CDKN3: variants seen among roughly 807,000 people sequenced by gnomAD.
The protein encoded by CDKN3 is cyclin dependent kinase inhibitor 3.
Under a neutral mutation model 36.1 loss-of-function variants are expected in CDKN3, and 19 were observed. The observed-to-expected ratio is 0.53, with a 90% CI of 0.37 to 0.77. The LOEUF is 0.77. Among genes scored for constraint, CDKN3 ranks in the 30% least tolerant of loss-of-function variants. The pLI is 0.00. For synonymous variants in CDKN3, 71 were observed against 85.3 expected (o/e 0.83, Z 0.92); for missense variants, 188 against 248.6 (o/e 0.76, Z 1.64).
chr14:54,416,281 A>G (rs2030545543), intron 6 of CDKN3, among the ~76,000 whole-genome samples: 3 of 152,190 alleles, frequency 2.0e-5, no homozygotes, highest in African/African-American at 7.2e-5. Flanking sequence ...GTTAATTACT[A>G]TATGTTAATT....
chr14:54,403,966 G>A (rs1246182327), intron 3 of CDKN3, among the ~76,000 whole-genome samples: 4 of 152,168 alleles, frequency 2.6e-5, no homozygotes, highest in East Asian at 3.9e-4. Context: ...TTTTCGCATC[G>A]ATGTTCATCA....
intron 5 of CDKN3, among the ~76,000 whole-genome samples, chr14:54,413,355 C>CTT (rs59686136): frequency 7.3e-4 from 103 of 141,656 alleles, no homozygotes; most frequent in African/African-American, 2.3e-3. Context: ...ATTTTGAGAT[C>CTT]TTTTTTTTTT....
In CDKN3 at chr14:54,399,593, G is replaced by A. The variant is rs146612293; in HGVS notation, c.10-301G>A. Among the ~76,000 whole-genome samples the A allele has an allele frequency of 4.2e-3, 640 of 152,268 alleles. 4 individuals are homozygous for A. Among genetic ancestry groups the A allele is most frequent in the African/African-American group, 0.015 (605 of 41,542 alleles). ...CCTCACTTTATAGTTGAGGAAAATC[G>A]AGATCCAGAACCAACTGAAGTGGCT... On this transcript the variant is annotated intron_variant, in intron 1 of 7. Coordinates refer to ENST00000335183, the MANE Select transcript of CDKN3 (RefSeq NM_005192.4).
chr14:54,397,028 C>A lies in CDKN3; in HGVS notation c.-41C>A. 1 of 1,469,510 alleles carries A rather than the reference C, an allele frequency of 6.8e-7. No homozygotes were observed. The highest frequency in any genetic ancestry group is 9.0e-7 in the Non-Finnish European group (1 of 1,107,288). 91.0% of individuals were successfully genotyped at this position (1,469,510 alleles called of 1,614,324 possible). A position where few individuals can be genotyped will look rare whatever the true frequency, so the allele number is the denominator to read the frequency against. ...GGGCACCGGTGAGTCGCCGGCGCTGCAGAGGGAGGCGGCACTGGTCTCGAC... is the reference window on the plus strand; with the variant it reads ...GGGCACCGGTGAGTCGCCGGCGCTGAAGAGGGAGGCGGCACTGGTCTCGAC... On this transcript the variant is annotated 5_prime_UTR_variant, in exon 1 of 8. Transcript: ENST00000335183.
intron 7 of CDKN3, among the ~76,000 whole-genome samples, chr14:54,419,112 C>G (rs2030645829): frequency 6.6e-6 from 1 of 150,562 alleles, no homozygotes. Context: ...GAACCGAGAT[C>G]ACACCACTGC....
chr14:54,398,336 T>C (rs758506152), intron 1 of CDKN3, among the ~76,000 whole-genome samples: 1 of 152,204 alleles, frequency 6.6e-6, no homozygotes, highest in Non-Finnish European at 1.5e-5. Context: ...CATTGAGTTA[T>C]CTGATCCCCG....
intron 7 of CDKN3, among the ~76,000 whole-genome samples, chr14:54,418,808 C>T (rs781088008): frequency 1.1e-4 from 16 of 152,158 alleles, no homozygotes; most frequent in Admixed American, 2.0e-4. Flanking sequence ...CGGGACAATC[C>T]ATACAAGATC....
At chr14:54,399,856 A>C (rs1276539400) in intron 1 of CDKN3, 38 bp from the exon 2 acceptor site, 3 of 1,082,080 alleles carry the variant, frequency 2.8e-6, no homozygotes, top group African/African-American at 1.5e-5. Context: ...CTACAAAAAA[A>C]TTCTTTACAG....
At chr14:54,402,334 G>A (rs925058389) in intron 3 of CDKN3, among the ~76,000 whole-genome samples, 4 of 150,218 alleles carry the variant, frequency 2.7e-5, no homozygotes, top group Non-Finnish European at 1.5e-5. Flanking sequence ...GTGTGTGTGT[G>A]TATGTATATC....
intron 7 of CDKN3, chr14:54,418,156 G>A (rs1164976206): frequency 1.1e-5 from 8 of 705,666 alleles, no homozygotes; most frequent in Admixed American, 1.0e-4. Context: ...GTCTAAAAAA[G>A]CACACAGGAT....
At chr14:54,400,998 G>C (rs374785538) in intron 2 of CDKN3, among the ~76,000 whole-genome samples, 10 of 152,296 alleles carry the variant, frequency 6.6e-5, no homozygotes, top group African/African-American at 2.4e-4. Context: ...TTGTCCAATA[G>C]TCATTTTCCA....
In CDKN3 at chr14:54,412,529, G is replaced by C. The variant is rs768663585; in HGVS notation, c.416+823G>C. Among the ~76,000 whole-genome samples the C allele has an allele frequency of 2.6e-5, 4 of 152,284 alleles. No individual in the cohort carries two copies. The East Asian group carries it at 7.7e-4, about 29-fold the overall frequency. ...AGATTGAAAGAGGGCCTCTCATTGT[G>C]TGTCAGTGGCTATAAAAACACAAGC... On this transcript the variant is annotated intron_variant, in intron 5 of 7. Transcript: ENST00000335183.
At chr14:54,419,837 A>T (rs1291571798) in intron 7 of CDKN3, among the ~76,000 whole-genome samples, 155 bp from the exon 8 acceptor site, 1 of 152,224 alleles carries the variant, frequency 6.6e-6, no homozygotes, top group Non-Finnish European at 1.5e-5. Context: ...ACTAAAAGAT[A>T]AAACTTCCCC....
At chr14:54,408,311 T>G (rs549753931) in intron 3 of CDKN3, among the ~76,000 whole-genome samples, 1 of 152,290 alleles carries the variant, frequency 6.6e-6, no homozygotes, top group South Asian at 2.1e-4. Flanking sequence ...AACACATCAT[T>G]CTCTATACTG....
At chr14:54,399,242 C>T (rs1337315857) in intron 1 of CDKN3, among the ~76,000 whole-genome samples, 9 of 152,138 alleles carry the variant, frequency 5.9e-5, no homozygotes, top group African/African-American at 2.2e-4. Context: ...AACTTCGCCT[C>T]CCAGAGTGCT....
rs1324060311 is a variant in CDKN3, at chr14:54,417,839, T to G, written c.449-9T>G. On this transcript the variant is annotated splice_polypyrimidine_tract_variant and intron_variant, in intron 6 of 7. Transcript: ENST00000335183. ...AATAACATATTATTTTTCTGTCATG[T>G]TCCATTAGTAGCTGCTTGTCTCCTA... 2 of 1,502,854 alleles carry G rather than the reference T, an allele frequency of 1.3e-6. No homozygotes were observed. The highest frequency in any genetic ancestry group is 2.7e-5 in the African/African-American group (2 of 72,888). 93.1% of individuals were successfully genotyped at this position (1,502,854 alleles called of 1,614,324 possible).
rs2030679657 is a variant in CDKN3 at position 54,420,157 on chromosome 14, AGT to A, written c.*82_*83del. 2.6e-6 allele frequency: 2 copies of A among 774,136 alleles called. No individual in the cohort carries two copies. Among genetic ancestry groups the A allele is most frequent in the Non-Finnish European group, 4.3e-6 (2 of 465,166 alleles). 48.0% of individuals were successfully genotyped at this position (774,136 alleles called of 1,614,324 possible). ...TAATTTGTATTGAAATGAAACCACC[AGT>A]GTTATCAACTTGAATGTAAATGTAC... On this transcript the variant is annotated 3_prime_UTR_variant, in exon 8 of 8. Transcript: ENST00000335183.
chr14:54,415,978 T>G (rs1238582627), intron 6 of CDKN3, 48 bp downstream of exon 6: 1 of 1,319,804 alleles, frequency 7.6e-7, no homozygotes, highest in East Asian at 2.3e-5. Flanking sequence ...ATAGACAAAC[T>G]TCTGTTTCCA....
At chr14:54,409,766 A>G (rs2030286446) in intron 4 of CDKN3, among the ~76,000 whole-genome samples, 1 of 151,954 alleles carries the variant, frequency 6.6e-6, no homozygotes, top group Admixed American at 6.6e-5. Context: ...CCAGGAGGTC[A>G]AAGCTGCAGT....
Sources: allele counts gnomAD v4.1 joint callset (sites outside exome capture counted in the v4.1 genomes callset), GRCh38; gene constraint gnomAD v4.1.1; transcripts MANE v1.5; gene names NCBI Gene and HGNC (gene_info 2026-07-23, HGNC 2026-07-21).